Variants in ADCY7 observed in about 807,000 individuals in gnomAD.
The protein encoded by ADCY7 is adenylate cyclase type 7.
ADCY7 carries 72 observed loss-of-function variants against 120.6 expected under a neutral mutation model. The observed-to-expected ratio is 0.60, with a 90% CI of 0.49 to 0.73. The LOEUF is 0.73. Ranked by LOEUF, ADCY7 falls within the 30% of genes least tolerant of loss-of-function variation. ADCY7 has a pLI of 0.00. For missense variants in ADCY7, 1,227 were observed against 1,486.0 expected, an observed-to-expected ratio of 0.83 and a Z score of 2.87; for synonymous variants, 661 against 628.0, an observed-to-expected ratio of 1.05 and a Z score of -0.78.
chr16:50,284,129 G>A (rs751127), intron 1 of ADCY7, among the ~76,000 whole-genome samples: 4 of 151,876 alleles, frequency 2.6e-5, no homozygotes, highest in African/African-American at 9.7e-5. Context: ...GCTTTGGCGG[G>A]GTGGCTCCTA....
chr16:50,262,598 A>C (rs572991224), upstream of ADCY7, among the ~76,000 whole-genome samples: 1 of 152,228 alleles, frequency 6.6e-6, no homozygotes, highest in East Asian at 1.9e-4. Flanking sequence ...AAGTACTGGG[A>C]TTACAGGTGT....
In ADCY7 at chr16:50,314,014, G is replaced by A. The variant is rs199903134; in HGVS notation, c.2808G>A (p.Thr936=). The A allele has an allele frequency of 5.6e-6, 9 of 1,614,074 alleles. No homozygotes were observed. The highest frequency in any genetic ancestry group is 2.2e-5 in the South Asian group (2 of 91,088). Residue 936 remains threonine, a synonymous_variant, in exon 23 of 26, where the codon ACG becomes ACA. Transcript: ENST00000673801. ...AGAAGATCAAGACCATCGGCAGCAC[G>A]TACATGGCAGCTGCAGGGCTCAGCG... ...GVEKIKTIGS[T]YMAAAGLSVA... is the part of the protein sequence containing the mutation.
chr16:50,277,677 T>C (rs1401492388), intron 1 of ADCY7, among the ~76,000 whole-genome samples: 1 of 149,772 alleles, frequency 6.7e-6, no homozygotes, highest in Non-Finnish European at 1.5e-5. Context: ...GGTTTTTTTT[T>C]TTTTTTTTTT....
At chr16:50,263,654 GTCCAGGCA>G (rs2033116891), upstream of ADCY7, among the ~76,000 whole-genome samples, 1 of 152,028 alleles carries the variant, frequency 6.6e-6, no homozygotes, top group Non-Finnish European at 1.5e-5. Flanking sequence ...CCCCTCCTGT[GTCCAGGCA>G]TCTACATGTG....
chr16:50,311,661 T>C (rs778803102), intron 19 of ADCY7, 32 bp from the exon 20 acceptor site: 51 of 1,512,576 alleles, frequency 3.4e-5, no homozygotes, highest in Non-Finnish European at 4.1e-5. Context: ...TGGTGAGTGC[T>C]GGGAGTGACT....
At chr16:50,309,669 C>T (rs537355180) in intron 18 of ADCY7, 23 bp downstream of exon 18, 178 of 1,597,660 alleles carry the variant, frequency 1.1e-4, no homozygotes, top group Non-Finnish European at 1.4e-4. Flanking sequence ...GGCCCGGCTC[C>T]GTGGCCTCAT....
At chr16:50,273,050 A>T (rs2033671536) in intron 1 of ADCY7, among the ~76,000 whole-genome samples, 1 of 152,142 alleles carries the variant, frequency 6.6e-6, no homozygotes, top group Non-Finnish European at 1.5e-5. Flanking sequence ...GCAGGAAGTG[A>T]GGCTGAGACC....
At chr16:50,309,282 G>A (rs11649621) in intron 17 of ADCY7, 99,882 of 459,722 alleles carry the variant, frequency 0.22, 12,181 homozygotes, top group East Asian at 0.36. Context: ...CACCTGGGGA[G>A]GCTGAAAATG....
chr16:50,292,000 CGT>C, intron 4 of ADCY7, 103 bp downstream of exon 4: 1 of 1,328,618 alleles, frequency 7.5e-7, no homozygotes, highest in Non-Finnish European at 1.0e-6. Context: ...GCCCCGGAGC[CGT>C]GTTTGCAGAC....
chr16:50,259,426 AAAGG>A (rs552254742), intron 1 of ADCY7, among the ~76,000 whole-genome samples: 2 of 152,186 alleles, frequency 1.3e-5, no homozygotes, highest in Non-Finnish European at 2.9e-5. Flanking sequence ...CAAGTTTTTC[AAAGG>A]AAATAAGGGC....
intron 6 of ADCY7, among the ~76,000 whole-genome samples, chr16:50,294,433 T>G (rs1042155518): frequency 1.3e-5 from 2 of 152,188 alleles, no homozygotes; most frequent in African/African-American, 4.8e-5. Flanking sequence ...TTTTGCTCCC[T>G]TCTGCTTTAA....
intron 10 of ADCY7, among the ~76,000 whole-genome samples, chr16:50,303,527 G>C (rs2035869017): frequency 6.6e-6 from 1 of 152,010 alleles, no homozygotes; most frequent in Non-Finnish European, 1.5e-5. Context: ...GGCCTTGTGG[G>C]TCTTTCTCTT....
chr16:50,280,417 T>C lies in ADCY7; in HGVS notation c.-268-7495T>C, dbSNP rs148173373. On this transcript the variant is annotated intron_variant, in intron 1 of 25. Transcript: ENST00000673801. ...CTCCTGGATTCGTTGATCTTTTGAATGGTTTTTTGTGTCTTGATTTTCTTC... is the reference window on the plus strand; with the variant it reads ...CTCCTGGATTCGTTGATCTTTTGAACGGTTTTTTGTGTCTTGATTTTCTTC... Among the ~76,000 whole-genome samples the C allele has an allele frequency of 2.0e-5, 3 of 151,600 alleles. No homozygotes were observed. The East Asian group carries it at 5.8e-4, about 29-fold the overall frequency.
At chr16:50,311,470 T>C (rs1281434255) in intron 19 of ADCY7, among the ~76,000 whole-genome samples, 1 of 152,172 alleles carries the variant, frequency 6.6e-6, no homozygotes, top group Non-Finnish European at 1.5e-5. Flanking sequence ...ATTCTGGTCA[T>C]TCAGGGGTGA....
chr16:50,273,063 G>A (rs935586994), intron 1 of ADCY7, among the ~76,000 whole-genome samples: 6 of 152,192 alleles, frequency 3.9e-5, no homozygotes, highest in African/African-American at 9.7e-5. Context: ...CTGAGACCCT[G>A]GTACTGAAGT....
At chr16:50,265,495 T>A (rs2033178976), upstream of ADCY7, among the ~76,000 whole-genome samples, 1 of 152,184 alleles carries the variant, frequency 6.6e-6, no homozygotes, top group African/African-American at 2.4e-5. Context: ...ATGTGTGGGA[T>A]GTCTACTCTG....
rs1420204388 is a variant in ADCY7, at chr16:50,297,100, G to A, written c.949-1804G>A. Reference sequence around the variant, plus strand: ...CCTCTCCAGCAGGCCCAGGAGGCGTGGCCCTATTGCACAGATGGGGAAAGG... The same window carrying A: ...CCTCTCCAGCAGGCCCAGGAGGCGTAGCCCTATTGCACAGATGGGGAAAGG... On this transcript the variant is annotated intron_variant, in intron 7 of 25. Coordinates refer to ENST00000673801, the MANE Select transcript of ADCY7 (RefSeq NM_001114.5). This position sits in a 1 kb window ranked among gnomAD's most constrained non-coding sequence, Gnocchi z 4.4. Among the ~76,000 whole-genome samples the A allele has an allele frequency of 1.3e-5, 2 of 152,230 alleles. No individual in the cohort carries two copies. Among genetic ancestry groups the A allele is most frequent in the African/African-American group, 2.4e-5 (1 of 41,458 alleles).
At chr16:50,292,352 A>C (rs541051362) in intron 4 of ADCY7, among the ~76,000 whole-genome samples, 1 of 152,360 alleles carries the variant, frequency 6.6e-6, no homozygotes, top group South Asian at 2.1e-4. Context: ...CTCTCCAGGC[A>C]GAGGCTGGCC....
chr16:50,263,726 G>C (rs147283997), upstream of ADCY7, among the ~76,000 whole-genome samples: 4 of 152,008 alleles, frequency 2.6e-5, no homozygotes, highest in East Asian at 7.8e-4. Context: ...AGAAATGTTG[G>C]TCAGGGTGGG....
Sources: allele counts gnomAD v4.1 joint callset (sites outside exome capture counted in the v4.1 genomes callset), GRCh38; gene constraint gnomAD v4.1.1; non-coding constraint Gnocchi (gnomAD v3.1); transcripts MANE v1.5; gene names NCBI Gene and HGNC (gene_info 2026-07-23, HGNC 2026-07-21).